Variants in FBXL2 observed in about 807,000 individuals in gnomAD.
FBXL2 encodes the protein F-box/LRR-repeat protein 2.
FBXL2 carries 38 observed loss-of-function variants against 69.2 expected under a neutral mutation model. The ratio of observed to expected loss-of-function variants is 0.55; its 90% CI spans 0.42 to 0.72. FBXL2 has a LOEUF of 0.72. Among genes scored for constraint, FBXL2 ranks in the 30% least tolerant of loss-of-function variants. The pLI, the probability that FBXL2 is intolerant of heterozygous loss-of-function variation, is 0.00. For synonymous variants in FBXL2, 192 were observed against 201.3 expected, an observed-to-expected ratio of 0.95 and a Z score of 0.39; for missense variants, 354 against 520.3, an observed-to-expected ratio of 0.68 and a Z score of 3.11.
chr3:33,393,996 A>G (rs188181180), intron 12 of FBXL2, among the ~76,000 whole-genome samples: 9 of 152,096 alleles, frequency 5.9e-5, no homozygotes, highest in Non-Finnish European at 8.8e-5. Flanking sequence ...ATACAAAAAG[A>G]ACCCTAAAAG....
the FBXL2 span, chr3:33,409,096 T>C: frequency 1.2e-6 from 1 of 833,158 alleles, no homozygotes; most frequent in Middle Eastern, 3.7e-4. Context: ...TTAAATATTT[T>C]CCCCAGAAAT....
chr3:33,365,746 CAAA>C (rs2041915330), intron 5 of FBXL2, among the ~76,000 whole-genome samples: 1 of 138,164 alleles, frequency 7.2e-6, no homozygotes, highest in Non-Finnish European at 1.5e-5. Context: ...AACAAACAAA[CAAA>C]CAAACCAACA....
chr3:33,373,922 G>C lies in FBXL2; in HGVS notation c.657+1G>C, dbSNP rs764607536. On this transcript the variant is annotated splice_donor_variant, in intron 9 of 14. Transcript: ENST00000484457. LOFTEE classifies it high-confidence loss of function. ...GAGCCTCAACTTGCAGTCCTGCTCAGTAAGTAGCGTGCCTTTCCTGAACAC... is the reference window on the plus strand; with the variant it reads ...GAGCCTCAACTTGCAGTCCTGCTCACTAAGTAGCGTGCCTTTCCTGAACAC... 1 of 1,613,988 alleles carries C rather than the reference G, an allele frequency of 6.2e-7. No homozygotes were observed.
At chr3:33,394,631 C>T (rs1241176895) in intron 12 of FBXL2, among the ~76,000 whole-genome samples, 1 of 152,094 alleles carries the variant, frequency 6.6e-6, no homozygotes, top group Non-Finnish European at 1.5e-5. Context: ...TAAAGCCAGA[C>T]ATGGATCAGG....
chr3:33,372,778 C>T (rs1227865251), intron 5 of FBXL2: 2 of 473,384 alleles, frequency 4.2e-6, no homozygotes, highest in African/African-American at 3.9e-5. Flanking sequence ...CCTCTATTCT[C>T]ATGATTCGGT....
intron 1 of FBXL2, among the ~76,000 whole-genome samples, chr3:33,286,783 C>G (rs2034671017): frequency 6.6e-6 from 1 of 152,224 alleles, no homozygotes; most frequent in Non-Finnish European, 1.5e-5. Flanking sequence ...AGTTCAATCT[C>G]AGACTGCTGT....
At chr3:33,396,616 T>C (rs557730880) in intron 12 of FBXL2, 14 of 404,030 alleles carry the variant, frequency 3.5e-5, no homozygotes, top group African/African-American at 2.6e-4. Context: ...AGAGCAATGA[T>C]AGTAAATGGT....
At chr3:33,306,080 C>A (rs978601938) in intron 2 of FBXL2, among the ~76,000 whole-genome samples, 4 of 151,778 alleles carry the variant, frequency 2.6e-5, no homozygotes, top group African/African-American at 4.8e-5. Context: ...ATTCTGTTTT[C>A]TTTAGCTGCC....
At chr3:33,402,890 G>A (rs147917769) in intron 12 of FBXL2, 49 of 1,608,792 alleles carry the variant, frequency 3.0e-5, no homozygotes, top group African/African-American at 5.3e-5. Flanking sequence ...TGGGGGCATC[G>A]GGCCACGGAG....
intron 5 of FBXL2, among the ~76,000 whole-genome samples, chr3:33,365,177 T>G (rs1015533318): frequency 3.3e-5 from 5 of 152,202 alleles, no homozygotes; most frequent in Admixed American, 3.3e-4. Flanking sequence ...TTTTGCTTAC[T>G]CATAATGAGA....
intron 2 of FBXL2, among the ~76,000 whole-genome samples, chr3:33,343,589 T>C (rs1393570941): frequency 6.6e-6 from 1 of 152,150 alleles, no homozygotes; most frequent in Non-Finnish European, 1.5e-5. Context: ...ATCTTTATTC[T>C]ATTATTCAAA....
rs150416343 is a variant in FBXL2, at chr3:33,285,850, G to A, written c.3+8335G>A. Among the ~76,000 whole-genome samples, 11 of 152,218 alleles carry A rather than the reference G, an allele frequency of 7.2e-5. No homozygotes were observed. The East Asian group carries it at 2.1e-3, about 29-fold the overall frequency. On this transcript the variant is annotated intron_variant, in intron 1 of 14. Transcript: ENST00000484457. ...AAATCGGCTACTGAAGCTTGTGCAT[G>A]CATCACGTGGTTCTCATGCCATGGT...
the FBXL2 span, among the ~76,000 whole-genome samples, chr3:33,420,382 G>C: frequency 3.9e-5 from 6 of 151,990 alleles, no homozygotes; most frequent in African/African-American, 1.5e-4. Context: ...CTGGAGTACA[G>C]TGGTGCAATC....
upstream of FBXL2, chr3:33,277,302 A>G (rs2033365975): frequency 2.5e-6 from 1 of 399,216 alleles, no homozygotes; most frequent in East Asian, 3.6e-5. Context: ...GAAGTGGGAG[A>G]GGCGAAGAGG....
chr3:33,318,492 C>A (rs1049586133), intron 2 of FBXL2, among the ~76,000 whole-genome samples: 3 of 152,176 alleles, frequency 2.0e-5, no homozygotes, highest in African/African-American at 7.2e-5. Context: ...TTCTCTAGAT[C>A]TGCATTCTTT....
Position 33,346,276 on chromosome 3 carries a change from T to C in FBXL2, c.66-12691T>C, listed in dbSNP as rs143164319. Among the ~76,000 whole-genome samples, 480 of 152,164 alleles carry C rather than the reference T, an allele frequency of 3.2e-3. 2 individuals carry two copies. Among genetic ancestry groups the C allele is most frequent in the Non-Finnish European group, 4.7e-3 (318 of 68,002 alleles). On this transcript the variant is annotated intron_variant, in intron 2 of 14. Transcript: ENST00000484457. ...AAATCAAGAATCTAAGCCTCCATTT[T>C]AGGAAATTAGAGGAAACAGGGCAAT...
chr3:33,277,758 G>A (rs2033460433), intron 1 of FBXL2, among the ~76,000 whole-genome samples: 1 of 152,114 alleles, frequency 6.6e-6, no homozygotes, highest in African/African-American at 2.4e-5. Context: ...GCTGGAGTCG[G>A]GGTGACAGCC....
chr3:33,295,829 G>A (rs927159321), intron 1 of FBXL2, among the ~76,000 whole-genome samples: 2 of 152,098 alleles, frequency 1.3e-5, no homozygotes, highest in African/African-American at 2.4e-5. Context: ...TTACCCTTAC[G>A]TTGAACATCT....
At chr3:33,356,114 G>A (rs971261008) in intron 2 of FBXL2, among the ~76,000 whole-genome samples, 2 of 152,136 alleles carry the variant, frequency 1.3e-5, no homozygotes, top group African/African-American at 4.8e-5. Context: ...GTGTCTCAGC[G>A]TGTGAGCTCT....
Sources: allele counts gnomAD v4.1 joint callset (sites outside exome capture counted in the v4.1 genomes callset), GRCh38; gene constraint gnomAD v4.1.1; transcripts MANE v1.5; gene names NCBI Gene and HGNC (gene_info 2026-07-23, HGNC 2026-07-21).